The following CEP128 variants were observed in gnomAD, a reference collection of about 807,000 sequenced individuals.
CEP128 encodes centrosomal protein 128kDa.
Under a neutral mutation model 156.7 loss-of-function variants are expected in CEP128, and 132 were observed. That is an observed-to-expected ratio of 0.84 (90% CI 0.73 to 0.97). CEP128 has a LOEUF of 0.97. Ranked by LOEUF, CEP128 falls within the 50% of genes least tolerant of loss-of-function variation. CEP128 has a pLI of 0.00. For synonymous variants in CEP128, 469 were observed against 448.9 expected (o/e 1.04, Z -0.57); for missense variants, 1,252 against 1,281.9 (o/e 0.98, Z 0.36).
intron 17 of CEP128, 89 bp downstream of exon 17, chr14:80,761,348 A>C (rs780069846): frequency 5.6e-5 from 56 of 1,002,158 alleles, no homozygotes; most frequent in Non-Finnish European, 7.5e-5. Flanking sequence ...CCATAATAAT[A>C]ATCTGACTAC....
upstream of CEP128, among the ~76,000 whole-genome samples, chr14:80,943,850 C>T (rs1297402077): frequency 1.3e-5 from 2 of 151,966 alleles, no homozygotes; most frequent in Non-Finnish European, 2.9e-5. Context: ...AAAAATTAAC[C>T]AGGTGTGGTG....
chr14:80,543,959 C>G (rs1403914654), intron 21 of CEP128, among the ~76,000 whole-genome samples: 1 of 152,134 alleles, frequency 6.6e-6, no homozygotes, highest in African/African-American at 2.4e-5. Context: ...TATGAAAACT[C>G]TAGAAAACAT....
At chr14:80,743,371 T>C (rs1426822883) in intron 18 of CEP128, 104 bp from the exon 19 acceptor site, 13 of 1,014,596 alleles carry the variant, frequency 1.3e-5, no homozygotes, top group Non-Finnish European at 1.7e-5. Context: ...CAAATATAGA[T>C]AATTACCAAA....
chr14:80,711,528 TAGAG>T (rs1897407784), intron 19 of CEP128, among the ~76,000 whole-genome samples: 1 of 151,946 alleles, frequency 6.6e-6, no homozygotes, highest in African/African-American at 2.4e-5. Flanking sequence ...CTCATGTAGA[TAGAG>T]AGCACAAGGC....
chr14:80,704,821 G>A (rs781442293), intron 19 of CEP128, among the ~76,000 whole-genome samples: 11 of 150,666 alleles, frequency 7.3e-5, no homozygotes, highest in Admixed American at 1.3e-4. Flanking sequence ...CTCTTGCCTC[G>A]TTTTTTCCTT....
intron 20 of CEP128, among the ~76,000 whole-genome samples, chr14:80,564,879 C>T (rs1255381543): frequency 6.6e-6 from 1 of 151,956 alleles, no homozygotes; most frequent in African/African-American, 2.4e-5. Flanking sequence ...GCTAACATGG[C>T]GAAACCCTGT....
chr14:80,865,309 T>C (rs1474392204), intron 8 of CEP128, among the ~76,000 whole-genome samples: 5 of 152,248 alleles, frequency 3.3e-5, no homozygotes, highest in Non-Finnish European at 7.3e-5. Flanking sequence ...TATACGTGTG[T>C]ATGTGTATTT....
chr14:80,877,300 G>T (rs1447425840), intron 8 of CEP128, among the ~76,000 whole-genome samples: 2 of 152,020 alleles, frequency 1.3e-5, no homozygotes, highest in African/African-American at 4.8e-5. Context: ...TAAGATGGTA[G>T]ATTTAAATAA....
At chr14:80,635,109 G>A (rs563709867) in intron 19 of CEP128, among the ~76,000 whole-genome samples, 4 of 152,242 alleles carry the variant, frequency 2.6e-5, no homozygotes, top group East Asian at 1.9e-4. Context: ...TGGCCTGCTC[G>A]TTCTAGCTAC....
intron 19 of CEP128, among the ~76,000 whole-genome samples, chr14:80,649,427 G>C (rs1433710883): frequency 6.6e-6 from 1 of 151,936 alleles, no homozygotes; most frequent in Non-Finnish European, 1.5e-5. Flanking sequence ...GGAGAAAATT[G>C]CTTGGTGAAA....
intron 13 of CEP128, among the ~76,000 whole-genome samples, chr14:80,817,203 G>A (rs1884912554): frequency 6.6e-6 from 1 of 152,076 alleles, no homozygotes; most frequent in Non-Finnish European, 1.5e-5. Context: ...AACTATTCCA[G>A]CCAATTCACT....
chr14:80,644,210 C>T (rs1215696971), intron 19 of CEP128, among the ~76,000 whole-genome samples: 2 of 152,194 alleles, frequency 1.3e-5, no homozygotes, highest in Admixed American at 1.3e-4. Flanking sequence ...GAGTTCTAGG[C>T]TCCAGAACTG....
At chr14:80,682,222 T>A (rs966713958) in intron 19 of CEP128, among the ~76,000 whole-genome samples, 17 of 152,054 alleles carry the variant, frequency 1.1e-4, no homozygotes, top group African/African-American at 4.1e-4. Flanking sequence ...TCTAAAGCAA[T>A]CCAGTAAGTG....
intron 9 of CEP128, among the ~76,000 whole-genome samples, chr14:80,853,507 A>C (rs1447480903): frequency 7.9e-6 from 1 of 126,626 alleles, no homozygotes; most frequent in African/African-American, 2.5e-5. Flanking sequence ...AACCAATTAG[A>C]GATGCAATTT....
chr14:80,665,171 T>C lies in CEP128; in HGVS notation c.2806+77904A>G, dbSNP rs1375468830. 2.0e-5 allele frequency among the ~76,000 whole-genome samples: 3 copies of C among 152,308 alleles called. No individual in the cohort carries two copies. In the East Asian group the frequency reaches 5.8e-4, roughly 29 times the overall value. Reference sequence around the variant, plus strand: ...ATAGAATACACCTACATTGTGCAAGTAGATTGGGAGCAGTGCTGCTTTACA... The same window carrying C: ...ATAGAATACACCTACATTGTGCAAGCAGATTGGGAGCAGTGCTGCTTTACA... On this transcript the variant is annotated intron_variant, in intron 19 of 24. Coordinates refer to ENST00000555265, the MANE Select transcript of CEP128 (RefSeq NM_152446.5).
At chr14:80,551,765 C>T (rs117047389) in intron 21 of CEP128, among the ~76,000 whole-genome samples, 3,908 of 152,234 alleles carry the variant, frequency 0.026, 73 homozygotes, top group Middle Eastern at 0.078. Flanking sequence ...AATGTCTTCA[C>T]CTCCCTCCCC....
intron 19 of CEP128, among the ~76,000 whole-genome samples, chr14:80,678,265 C>T (rs1896171676): frequency 6.6e-6 from 1 of 151,168 alleles, no homozygotes; most frequent in South Asian, 2.1e-4. Flanking sequence ...CCAAATCTCA[C>T]TGAAAAAGAA....
In CEP128 at chr14:80,498,611, C is replaced by T. The variant is rs149646767; in HGVS notation, c.3182-1029G>A. ...ATTTCAACTCAGCTGCTGCTTCTTG[C>T]CATTCAGGTTTCAGCTGTAACCTCC... On this transcript the variant is annotated intron_variant, in intron 24 of 24. Coordinates refer to ENST00000555265, the MANE Select transcript of CEP128 (RefSeq NM_152446.5). Among the ~76,000 whole-genome samples, 1,071 of 152,304 alleles carry T rather than the reference C, an allele frequency of 7.0e-3. 20 individuals are homozygous for T. Among genetic ancestry groups the T allele is most frequent in the African/African-American group, 0.024 (1,013 of 41,558 alleles).
In CEP128 at chr14:80,814,849, G is replaced by A. The variant is rs149438754; in HGVS notation, c.1209+16294C>T. On this transcript the variant is annotated intron_variant, in intron 13 of 24. Coordinates refer to ENST00000555265, the MANE Select transcript of CEP128 (RefSeq NM_152446.5). ...TGAGGCAGGCAAATCACGAGGTCAG[G>A]AGTTCGAGACCAACCTGACCAACAT... Among the ~76,000 whole-genome samples the A allele has an allele frequency of 4.4e-3, 665 of 152,300 alleles. 6 individuals carry two copies. The highest frequency in any genetic ancestry group is 0.015 in the African/African-American group (632 of 41,566).
Sources: gnomAD v4.1 joint callset for allele counts (sites outside exome capture counted in the v4.1 genomes callset) on GRCh38, gnomAD v4.1.1 for gene constraint, MANE v1.5 for transcripts, NCBI Gene and HGNC (gene_info 2026-07-23, HGNC 2026-07-21) for gene names.